Variants in KCNT2 observed in about 807,000 individuals in gnomAD.
KCNT2 encodes the protein potassium channel subfamily T member 2.
Under a neutral mutation model 153.8 loss-of-function variants are expected in KCNT2, and 67 were observed. The observed-to-expected ratio is 0.44, with a 90% CI of 0.36 to 0.53. The LOEUF is 0.53. Among genes scored for constraint, KCNT2 ranks in the 20% least tolerant of loss-of-function variants. KCNT2 has a pLI of 0.00. For missense variants in KCNT2, 975 were observed against 1,354.8 expected (o/e 0.72, Z 4.40); for synonymous variants, 500 against 458.8 (o/e 1.09, Z -1.15).
intron 1 of KCNT2, among the ~76,000 whole-genome samples, chr1:196,514,366 G>A (rs1055098507): frequency 1.3e-5 from 2 of 151,708 alleles, no homozygotes; most frequent in Non-Finnish European, 2.9e-5. Context: ...TTCTTTTTAT[G>A]TACTAATATT....
chr1:196,552,871 T>C (rs1020144999), intron 1 of KCNT2, among the ~76,000 whole-genome samples: 12 of 151,418 alleles, frequency 7.9e-5, no homozygotes, highest in South Asian at 6.2e-4. Context: ...GGGTTTAAGA[T>C]AGCATTTGCA....
At chr1:196,299,515 G>C (rs972823466) in intron 22 of KCNT2, among the ~76,000 whole-genome samples, 1 of 151,968 alleles carries the variant, frequency 6.6e-6, no homozygotes, top group Non-Finnish European at 1.5e-5. Context: ...TAATCATAAC[G>C]GAAATGTAAA....
In KCNT2 at chr1:196,591,075, G is replaced by A. The variant is rs1663288077; in HGVS notation, c.95+17140C>T. Among the ~76,000 whole-genome samples, 5 of 152,224 alleles carry A rather than the reference G, an allele frequency of 3.3e-5. No homozygotes were observed. In the South Asian group the frequency reaches 1.0e-3, roughly 32 times the overall value. On this transcript the variant is annotated intron_variant, in intron 1 of 27. Coordinates refer to ENST00000294725, the MANE Select transcript of KCNT2 (RefSeq NM_198503.5). ...ACACAAAAAAAGAGAGATAGAGAATGATCCCCAATGTTGGAGGTGGGGCTA... is the reference window on the plus strand; with the variant it reads ...ACACAAAAAAAGAGAGATAGAGAATAATCCCCAATGTTGGAGGTGGGGCTA...
chr1:196,582,204 C>T (rs1285255356), intron 1 of KCNT2, among the ~76,000 whole-genome samples: 3 of 151,976 alleles, frequency 2.0e-5, no homozygotes, highest in Non-Finnish European at 4.4e-5. Flanking sequence ...AAGTTCCTGG[C>T]TCTGCCATTT....
At chr1:196,471,429 G>A (rs1265337663) in intron 5 of KCNT2, among the ~76,000 whole-genome samples, 1 of 151,954 alleles carries the variant, frequency 6.6e-6, no homozygotes, top group Non-Finnish European at 1.5e-5. Flanking sequence ...TTTTTTAATT[G>A]TGCAGGTGAA....
intron 8 of KCNT2, among the ~76,000 whole-genome samples, chr1:196,450,234 C>T (rs573004997): frequency 6.6e-6 from 1 of 152,000 alleles, no homozygotes; most frequent in African/African-American, 2.4e-5. Flanking sequence ...ATGCCTCCCA[C>T]TGCCCGGTAA....
intron 8 of KCNT2, among the ~76,000 whole-genome samples, chr1:196,431,021 A>G (rs1249116221): frequency 6.6e-6 from 1 of 152,100 alleles, no homozygotes; most frequent in Non-Finnish European, 1.5e-5. Flanking sequence ...CAATCTTATA[A>G]AAGTGTTGGA....
intron 25 of KCNT2, among the ~76,000 whole-genome samples, chr1:196,279,699 A>G (rs1245255762): frequency 6.6e-6 from 1 of 151,590 alleles, no homozygotes; most frequent in Non-Finnish European, 1.5e-5. Flanking sequence ...AAGTGCTGGG[A>G]TTACAGGTGT....
At chr1:196,443,958 T>A (rs574049760) in intron 8 of KCNT2, among the ~76,000 whole-genome samples, 1 of 151,192 alleles carries the variant, frequency 6.6e-6, no homozygotes, top group African/African-American at 2.4e-5. Context: ...ACAGATAATA[T>A]AACTAAAATG....
chr1:196,270,670 A>G (rs1036400632), intron 25 of KCNT2, among the ~76,000 whole-genome samples: 2 of 151,990 alleles, frequency 1.3e-5, no homozygotes, highest in African/African-American at 4.8e-5. Context: ...ATTTTCCAGA[A>G]TTACCAAAAT....
At chr1:196,429,837 A>C in intron 8 of KCNT2, 80 bp from the exon 9 acceptor site, 1 of 991,062 alleles carries the variant, frequency 1.0e-6, no homozygotes, top group Non-Finnish European at 1.5e-6. Context: ...TTGAAAGCCA[A>C]AGCACATTTC....
At chr1:196,368,305 G>A (rs1461442427) in intron 14 of KCNT2, among the ~76,000 whole-genome samples, 2 of 152,066 alleles carry the variant, frequency 1.3e-5, no homozygotes, top group African/African-American at 2.4e-5. Flanking sequence ...CTCCCTCACT[G>A]CGTTTTCAAT....
At chr1:196,373,055 G>T (rs1007435453) in intron 14 of KCNT2, 85 bp downstream of exon 14, 1 of 689,848 alleles carries the variant, frequency 1.4e-6, no homozygotes, top group Non-Finnish European at 2.6e-6. Context: ...GTATACGTAG[G>T]CCTTCTATAT....
chr1:196,492,272 G>GT lies in KCNT2; in HGVS notation c.164dup (p.Asn55LysfsTer37). 2 of 1,421,384 alleles carry GT rather than the reference G, an allele frequency of 1.4e-6. No homozygotes were observed. Among genetic ancestry groups the GT allele is most frequent in the East Asian group, 2.8e-5 (1 of 36,114 alleles). 88.0% of individuals were successfully genotyped at this position (1,421,384 alleles called of 1,614,324 possible). On this transcript the variant is annotated frameshift_variant, in exon 2 of 28. Coordinates refer to ENST00000294725, the MANE Select transcript of KCNT2 (RefSeq NM_198503.5). LOFTEE classifies it high-confidence loss of function. ...AAATGAATAACTTACTTGATCTCTGGTTTTTTATGAAAAATAATTTTAGTC... is the reference window on the plus strand; with the variant it reads ...AAATGAATAACTTACTTGATCTCTGGTTTTTTTATGAAAAATAATTTTAGTC...
At chr1:196,583,924 T>G (rs1572895884) in intron 1 of KCNT2, among the ~76,000 whole-genome samples, 1 of 152,082 alleles carries the variant, frequency 6.6e-6, no homozygotes, top group East Asian at 1.9e-4. Context: ...ATGAATCAGT[T>G]TGGTGTTAGT....
Position 196,284,230 on chromosome 1 carries a change from T to TAAAAAAAAA in KCNT2, c.2697+1418_2697+1426dup, listed in dbSNP as rs1190571024. Among the ~76,000 whole-genome samples, 11 of 2,974 alleles carry TAAAAAAAAA rather than the reference T, an allele frequency of 3.7e-3. 3 individuals are homozygous for TAAAAAAAAA. The highest frequency in any genetic ancestry group is 4.6e-3 in the Non-Finnish European group (5 of 1,088). The allele number at this position is 2,974 out of a possible 152,430, so 2.0% of individuals were successfully genotyped here. On this transcript the variant is annotated intron_variant, in intron 23 of 27. Transcript: ENST00000294725. ...TGGGCGACAGAGCAAGACTCTGTCTTAAAAAAAAAAAAAAAAAAATATATA... is the reference window on the plus strand; with the variant it reads ...TGGGCGACAGAGCAAGACTCTGTCTTAAAAAAAAAAAAAAAAAAAAAAAAAAAATATATA...
At chr1:196,501,214 G>A (rs1441353026) in intron 1 of KCNT2, among the ~76,000 whole-genome samples, 1 of 152,074 alleles carries the variant, frequency 6.6e-6, no homozygotes, top group East Asian at 1.9e-4. Flanking sequence ...TGTACCCAAA[G>A]GGAAAGAAGT....
chr1:196,508,543 T>G (rs184818152), intron 1 of KCNT2, among the ~76,000 whole-genome samples: 2 of 152,226 alleles, frequency 1.3e-5, no homozygotes, highest in African/African-American at 4.8e-5. Context: ...GGAGAAGATA[T>G]TTGAATAAAA....
At chr1:196,243,512 T>G (rs1381278061) in intron 26 of KCNT2, among the ~76,000 whole-genome samples, 1 of 152,160 alleles carries the variant, frequency 6.6e-6, no homozygotes. Flanking sequence ...GGCCACATGG[T>G]GCAGGGAGTC....
Sources: allele counts gnomAD v4.1 joint callset (sites outside exome capture counted in the v4.1 genomes callset), GRCh38; gene constraint gnomAD v4.1.1; transcripts MANE v1.5; gene names NCBI Gene and HGNC (gene_info 2026-07-23, HGNC 2026-07-21).